Variants in INPP5J observed in about 807,000 individuals in gnomAD.
INPP5J encodes the protein inositol polyphosphate-5-phosphatase J.
INPP5J carries 75 observed loss-of-function variants against 86.6 expected under a neutral mutation model. The ratio of observed to expected loss-of-function variants is 0.87; its 90% CI spans 0.72 to 1.05. The LOEUF (loss-of-function observed/expected upper bound fraction) is 1.05, where lower values mean the gene tolerates loss of function less well. Among genes scored for constraint, INPP5J ranks in the 50% least tolerant of loss-of-function variants. The pLI, the probability that INPP5J is intolerant of heterozygous loss-of-function variation, is 0.00. For missense variants in INPP5J, 1,229 were observed against 1,341.2 expected (o/e 0.92, Z 1.31); for synonymous variants, 540 against 550.0 (o/e 0.98, Z 0.25).
intron 9 of INPP5J, among the ~76,000 whole-genome samples, chr22:31,131,982 T>G (rs28575283): frequency 6.6e-6 from 1 of 152,114 alleles, no homozygotes; most frequent in African/African-American, 2.4e-5. Flanking sequence ...GGGACAGAGG[T>G]GGGGTCAATA....
At position 31,126,667 on chromosome 22, in the gene INPP5J, G is replaced by A. The variant is rs753469127; in HGVS notation, c.1440G>A (p.Thr480=). 5 of 1,613,858 alleles carry A rather than the reference G, an allele frequency of 3.1e-6. No individual in the cohort carries two copies. The South Asian group carries it at 3.3e-5, about 11-fold the overall frequency. ...AGCGACTCAAGGACGCCCTCTTCAC[G>A]GACCAGTGGAGTGAGCTGTTCATGG... ...LNKRLKDALF[T]DQWSELFMDA... is the part of the protein sequence containing the mutation. The change falls in exon 4 of 13, where the codon ACG becomes ACA. Residue 480 remains threonine (T), a synonymous_variant. Coordinates refer to ENST00000331075, the MANE Select transcript of INPP5J (RefSeq NM_001284285.2).
chr22:31,134,692 G>A lies in INPP5J; in HGVS notation c.*273G>A, dbSNP rs1479551711. The A allele has an allele frequency of 1.6e-5, 6 of 383,294 alleles. No homozygotes were observed. The highest frequency in any genetic ancestry group is 2.8e-5 in the Non-Finnish European group (6 of 216,374). 23.7% of individuals were successfully genotyped at this position (383,294 alleles called of 1,614,324 possible). A position where few individuals can be genotyped will look rare whatever the true frequency, so the allele number is the denominator to read the frequency against. ...CATCCATTAGGAATTAAATTCTCCAGCCTCACTCTCGGCTCTTTCCTACTT... is the reference window on the plus strand; with the variant it reads ...CATCCATTAGGAATTAAATTCTCCAACCTCACTCTCGGCTCTTTCCTACTT... On this transcript the variant is annotated 3_prime_UTR_variant, in exon 13 of 13. Transcript: ENST00000331075.
chr22:31,130,257 C>G (rs1287194943), intron 9 of INPP5J, among the ~76,000 whole-genome samples: 1 of 152,208 alleles, frequency 6.6e-6, no homozygotes, highest in African/African-American at 2.4e-5. Flanking sequence ...ACAAGAATCA[C>G]TTGAACCTGG....
chr22:31,125,352 G>C lies in INPP5J; in HGVS notation c.613G>C (p.Val205Leu). 1 of 1,550,488 alleles carries C rather than the reference G, an allele frequency of 6.4e-7. No homozygotes were observed. The highest frequency in any genetic ancestry group is 8.7e-7 in the Non-Finnish European group (1 of 1,146,962). Reference protein sequence around the residue: ...PPELPSTPSPVPSPVLSPTQE... With the variant: ...PPELPSTPSPLPSPVLSPTQE... Reference sequence around the variant, plus strand: ...AGAACTCCCCTCCACCCCTTCCCCGGTGCCCAGTCCAGTTCTGTCTCCAAC... The same window carrying C: ...AGAACTCCCCTCCACCCCTTCCCCGCTGCCCAGTCCAGTTCTGTCTCCAAC... Residue 205 changes from valine to leucine, a missense_variant, in exon 2 of 13, where the codon GTG becomes CTG. Coordinates refer to ENST00000331075, the MANE Select transcript of INPP5J (RefSeq NM_001284285.2).
Position 31,133,684 on chromosome 22 carries a change from C to T in INPP5J, c.2484C>T (p.Ser828=), listed in dbSNP as rs570585851. Residue 828 remains serine (S), a synonymous_variant, in exon 12 of 13, where the codon AGC becomes AGT. Coordinates refer to ENST00000331075, the MANE Select transcript of INPP5J (RefSeq NM_001284285.2). ...TGGGCTACTATAGTCACAACCACAG[C>T]ATCCTCATCGGCATCACTGAACCCT... ...FILGYYSHNH[S]ILIGITEPFQ... 6.2e-7 allele frequency: 1 copy of T among 1,613,184 alleles called. No individual in the cohort carries two copies. Among genetic ancestry groups the T allele is most frequent in the South Asian group, 1.1e-5 (1 of 90,846 alleles).
intron 1 of INPP5J, chr22:31,124,361 T>C: frequency 1.1e-6 from 1 of 913,116 alleles, no homozygotes; most frequent in Non-Finnish European, 1.3e-6. Context: ...GGGAGAGGTA[T>C]TTAACAAGCT....
In INPP5J at chr22:31,128,642, G is replaced by C; in HGVS notation, c.2181G>C (p.Gln727His). 3 of 1,585,806 alleles carry C rather than the reference G, an allele frequency of 1.9e-6. No individual in the cohort carries two copies. Among genetic ancestry groups the C allele is most frequent in the Non-Finnish European group, 2.6e-6 (3 of 1,165,978 alleles). ...GCGACCACAAGCCTGTGGCTGCCCA[G>C]TTCCTCCTGCAGGTGAGTTCTGGCC... ...TVSDHKPVAA[Q>H]FLLQFAFRDD... Residue 727 changes from glutamine (Q) to histidine (H), a missense_variant, in exon 9 of 13, where the codon CAG becomes CAC. Physicochemically the swap from Gln to His is conservative, Grantham distance 24. Transcript: ENST00000331075.
rs976200563 is a variant in INPP5J, at chr22:31,134,556, G to A, written c.*137G>A. The A allele has an allele frequency of 2.2e-6, 2 of 929,576 alleles. No individual in the cohort carries two copies. Among genetic ancestry groups the A allele is most frequent in the South Asian group, 2.8e-5 (1 of 36,200 alleles). The allele number at this position is 929,576 out of a possible 1,614,324, so 57.6% of individuals were successfully genotyped here. A position where few individuals can be genotyped will look rare whatever the true frequency, so the allele number is the denominator to read the frequency against. On this transcript the variant is annotated 3_prime_UTR_variant, in exon 13 of 13. Coordinates refer to ENST00000331075, the MANE Select transcript of INPP5J (RefSeq NM_001284285.2). ...TCCTGGCCAGGGGTGGACAACTGGG[G>A]TCCCCCAAAACTCAGTCCTGGCACC...
intron 1 of INPP5J, 48 bp downstream of exon 1, chr22:31,123,167 C>A: frequency 8.6e-7 from 1 of 1,160,554 alleles, no homozygotes; most frequent in Non-Finnish European, 1.2e-6. Flanking sequence ...ATCCCTGGTT[C>A]CACACACCCC....
intron 4 of INPP5J, 48 bp from the exon 5 acceptor site, chr22:31,126,873 G>A: frequency 6.7e-7 from 1 of 1,487,702 alleles, no homozygotes; most frequent in Non-Finnish European, 9.3e-7. Flanking sequence ...GGGCGCGAGG[G>A]CGGGGGAGTT....
Position 31,126,397 on chromosome 22 carries a change from C to T in INPP5J, c.1293C>T (p.Asn431=), listed in dbSNP as rs576889935. 6.8e-6 allele frequency: 11 copies of T among 1,613,478 alleles called. 1 individual carries two copies. The highest frequency in any genetic ancestry group is 5.5e-5 in the South Asian group (5 of 91,074). ...TCAGGATCACTGTGGTCACATGGAA[C>T]GTGGGCACTGCCATGCCCCCAGACG... is the stretch of plus-strand genomic sequence containing the variant. ...PGFRITVVTW[N]VGTAMPPDDV... Residue 431 remains asparagine (N), a synonymous_variant, in exon 3 of 13, where the codon AAC becomes AAT. Coordinates refer to ENST00000331075, the MANE Select transcript of INPP5J (RefSeq NM_001284285.2).
intron 9 of INPP5J, among the ~76,000 whole-genome samples, chr22:31,131,487 C>T (rs971065373): frequency 8.6e-5 from 13 of 151,630 alleles, no homozygotes; most frequent in Admixed American, 4.6e-4. Flanking sequence ...TGCTTGAACC[C>T]GGGAGGCGGA....
Position 31,133,447 on chromosome 22 carries a change from G to C in INPP5J, c.2373G>C (p.Trp791Cys). 1 of 1,613,886 alleles carries C rather than the reference G, an allele frequency of 6.2e-7. No individual in the cohort carries two copies. The highest frequency in any genetic ancestry group is 8.5e-7 in the Non-Finnish European group (1 of 1,179,852). The change falls in exon 11 of 13, where the codon TGG becomes TGC. Residue 791 changes from tryptophan (W) to cysteine (C), a missense_variant. Trp to Cys is a radical substitution (Grantham distance 215). Coordinates refer to ENST00000331075, the MANE Select transcript of INPP5J (RefSeq NM_001284285.2). ...GCAAGGACTATGTGGCTTATGTCTGGGCCAAACATGAAGATGTGGATGGGA... is the reference window on the plus strand; with the variant it reads ...GCAAGGACTATGTGGCTTATGTCTGCGCCAAACATGAAGATGTGGATGGGA... ...RHCKDYVAYV[W>C]AKHEDVDGNT...
intron 6 of INPP5J, 27 bp from the exon 7 acceptor site, chr22:31,127,924 A>T: frequency 1.5e-6 from 1 of 672,178 alleles, no homozygotes; most frequent in Non-Finnish European, 2.3e-6. Flanking sequence ...TGCCCCCCAC[A>T]TCTCTCCCAT....
In INPP5J at chr22:31,134,573, C is replaced by T; in HGVS notation, c.*154C>T. The T allele has an allele frequency of 1.5e-6, 1 of 677,980 alleles. No homozygotes were observed. The highest frequency in any genetic ancestry group is 3.7e-5 in the South Asian group (1 of 27,394). The allele number at this position is 677,980 out of a possible 1,614,324, so 42.0% of individuals were successfully genotyped here. A position where few individuals can be genotyped will look rare whatever the true frequency, so the allele number is the denominator to read the frequency against. ...CAACTGGGGTCCCCCAAAACTCAGTCCTGGCACCTCAACTGTGACAATCAG... is the reference window on the plus strand; with the variant it reads ...CAACTGGGGTCCCCCAAAACTCAGTTCTGGCACCTCAACTGTGACAATCAG... On this transcript the variant is annotated 3_prime_UTR_variant, in exon 13 of 13. Transcript: ENST00000331075.
intron 9 of INPP5J, among the ~76,000 whole-genome samples, chr22:31,130,295 C>T (rs891656269): frequency 2.4e-4 from 36 of 152,124 alleles, no homozygotes; most frequent in African/African-American, 6.5e-4. Context: ...GAGCCAGTAT[C>T]GTGCCACTGC....
rs773735198 is a variant in INPP5J at position 31,126,940 on chromosome 22, A to C, written c.1514A>C (p.Gln505Pro). The change falls in exon 5 of 13, where the codon CAG becomes CCG. Residue 505 changes from glutamine to proline, a missense_variant. Physicochemically the swap from Gln to Pro is moderately conservative, Grantham distance 76. Transcript: ENST00000331075. ...CTGCAGGTGAGTTCGGTGAGGATGC[A>C]GGGTGTCATCCTGCTGCTGTTCGCC... ...NFVLVSSVRM[Q>P]GVILLLFAKY... 2 of 1,609,838 alleles carry C rather than the reference A, an allele frequency of 1.2e-6. No homozygotes were observed. The highest frequency in any genetic ancestry group is 2.2e-5 in the East Asian group (1 of 44,676).
chr22:31,128,804 A>C, intron 9 of INPP5J, 150 bp downstream of exon 9: 2 of 706,144 alleles, frequency 2.8e-6, no homozygotes, highest in East Asian at 2.9e-5. Context: ...TGCAATCTAC[A>C]TTTTCAGATG....
At position 31,125,204 on chromosome 22, in the gene INPP5J, G is replaced by A; in HGVS notation, c.465G>A (p.Leu155=). The change falls in exon 2 of 13, where the codon CTG becomes CTA. Residue 155 remains leucine, a synonymous_variant. Coordinates refer to ENST00000331075, the MANE Select transcript of INPP5J (RefSeq NM_001284285.2). The part of the protein sequence containing the change: ...SAGPRSPPVT[L]GPNLAPTSRD... ...GGCCAAGATCTCCCCCAGTCACCCT[G>A]GGGCCCAATCTGGCCCCAACCTCCA... is the stretch of plus-strand genomic sequence containing the variant. 1 of 1,550,464 alleles carries A rather than the reference G, an allele frequency of 6.4e-7. No homozygotes were observed. The highest frequency in any genetic ancestry group is 8.7e-7 in the Non-Finnish European group (1 of 1,146,962).
Sources: gnomAD v4.1 joint callset for allele counts (sites outside exome capture counted in the v4.1 genomes callset) on GRCh38, gnomAD v4.1.1 for gene constraint, MANE v1.5 for transcripts, NCBI Gene and HGNC (gene_info 2026-07-23, HGNC 2026-07-21) for gene names.